Variants in ZNF135 observed in about 807,000 individuals in gnomAD.
The protein encoded by ZNF135 is zinc finger protein 135.
In ZNF135, 11 loss-of-function variants were observed where a neutral mutation model predicts 12.3. The observed-to-expected ratio is 0.89, with a 90% CI of 0.56 to 1.48. The LOEUF is 1.48. ZNF135 is among the 40% of genes most tolerant of loss of function. ZNF135 has a pLI of 0.00. For synonymous variants in ZNF135, 316 were observed against 312.0 expected, an observed-to-expected ratio of 1.01 and a Z score of -0.14; for missense variants, 722 against 815.7, an observed-to-expected ratio of 0.89 and a Z score of 1.40.
In ZNF135 at chr19:58,060,187, C is replaced by G; in HGVS notation, c.33+152C>G. 1 of 1,509,376 alleles carries G rather than the reference C, an allele frequency of 6.6e-7. No homozygotes were observed. The highest frequency in any genetic ancestry group is 8.8e-7 in the Non-Finnish European group (1 of 1,132,466). The allele number at this position is 1,509,376 out of a possible 1,614,324, so 93.5% of individuals were successfully genotyped here. A position where few individuals can be genotyped will look rare whatever the true frequency, so the allele number is the denominator to read the frequency against. Reference sequence around the variant, plus strand: ...CGGCCCCTACTTGCGTGCCCGGCCCCTACTCGTGCCCGGCCTCTACTCGCA... The same window carrying G: ...CGGCCCCTACTTGCGTGCCCGGCCCGTACTCGTGCCCGGCCTCTACTCGCA... On this transcript the variant is annotated intron_variant, in intron 2 of 4. Transcript: ENST00000313434. This position sits in a 1 kb window ranked among gnomAD's most constrained non-coding sequence, Gnocchi z 4.9.
chr19:58,063,690 C>T lies in ZNF135; in HGVS notation c.256+149C>T, dbSNP rs1203840954. 101 of 1,429,802 alleles carry T rather than the reference C, an allele frequency of 7.1e-5. No homozygotes were observed. The highest frequency in any genetic ancestry group is 4.4e-4 in the Middle Eastern group (2 of 4,594). The allele number at this position is 1,429,802 out of a possible 1,614,324, so 88.6% of individuals were successfully genotyped here. ...CAAGCACCCATTTTGCTGTGAGTGA[C>T]GACACCACGTCCTCATCTCCACTGA... On this transcript the variant is annotated intron_variant, in intron 4 of 4. Transcript: ENST00000313434. This position sits in a 1 kb window ranked among gnomAD's most constrained non-coding sequence, Gnocchi z 4.4.
chr19:58,063,485 A>G lies in ZNF135; in HGVS notation c.200A>G (p.Glu67Gly). 6.2e-7 allele frequency: 1 copy of G among 1,614,140 alleles called. No homozygotes were observed. The highest frequency in any genetic ancestry group is 8.5e-7 in the Non-Finnish European group (1 of 1,180,010). ...AAGCCGAATGTCATCTCCCTGCTGG[A>G]GCAAGAGGCAGAGCTGTGGGCGGTG... Reference protein sequence around the residue: ...LPKPNVISLLEQEAELWAVES... With the variant: ...LPKPNVISLLGQEAELWAVES... Residue 67 changes from glutamate (E) to glycine (G), a missense_variant, in exon 4 of 5, where the codon GAG (glutamate) becomes GGG (glycine). Physicochemically the swap from Glu to Gly is moderately conservative, Grantham distance 98 (BLOSUM62 -2). Transcript: ENST00000313434. The surrounding 1 kb of genome is among the most constrained non-coding windows in gnomAD (Gnocchi z 4.4).
Position 58,067,841 on chromosome 19 carries a change from C to A in ZNF135, c.1357C>A (p.Leu453Ile). The A allele has an allele frequency of 6.2e-7, 1 of 1,612,580 alleles. No homozygotes were observed. The highest frequency in any genetic ancestry group is 8.5e-7 in the Non-Finnish European group (1 of 1,179,568). ...CGKTFSHSSS[L>I]SQHERTHTGE... ...GAAAACCTTCAGCCACAGCTCCTCA[C>A]TCAGCCAGCATGAGCGGACACACAC... The change falls in exon 5 of 5, where the codon CTC becomes ATC. Residue 453 changes from leucine (L) to isoleucine (I), a missense_variant. By Grantham distance (5) the Leu-to-Ile change is conservative. Coordinates refer to ENST00000313434, the MANE Select transcript of ZNF135 (RefSeq NM_001289401.2).
rs763653783 is a variant in ZNF135 at position 58,059,323 on chromosome 19, G to C, written c.-35+13G>C. The C allele has an allele frequency of 3.9e-6, 6 of 1,547,430 alleles. 1 individual carries two copies. In the South Asian group the frequency reaches 7.0e-5, roughly 18 times the overall value. On this transcript the variant is annotated intron_variant, in intron 1 of 4. Coordinates refer to ENST00000313434, the MANE Select transcript of ZNF135 (RefSeq NM_001289401.2). This position sits in a 1 kb window ranked among gnomAD's most constrained non-coding sequence, Gnocchi z 6.5. The stretch of plus-strand genomic sequence containing the variant: ...CGCAGTCAGGAGGGTGAGCTAGGCC[G>C]GCGAGGAGGGGGAGGGGAGGCCAGG...
chr19:58,061,815 G>A, intron 3 of ZNF135, 109 bp downstream of exon 3: 1 of 1,386,612 alleles, frequency 7.2e-7, no homozygotes, highest in Admixed American at 2.7e-5. Context: ...GCCTGGGGCT[G>A]TATGTCTTGG....
At position 58,059,732 on chromosome 19, in the gene ZNF135, G is replaced by A; in HGVS notation, c.-34-237G>A. ...TGTAGCGTTAAGGCTCAGAGTCTGCGCAGCAGATATGTGTCCGCACCCGCC... is the reference window on the plus strand; with the variant it reads ...TGTAGCGTTAAGGCTCAGAGTCTGCACAGCAGATATGTGTCCGCACCCGCC... On this transcript the variant is annotated intron_variant, in intron 1 of 4. Coordinates refer to ENST00000313434, the MANE Select transcript of ZNF135 (RefSeq NM_001289401.2). This position sits in a 1 kb window ranked among gnomAD's most constrained non-coding sequence, Gnocchi z 6.5. The A allele has an allele frequency of 1.7e-6, 1 of 581,136 alleles. No individual in the cohort carries two copies. Among genetic ancestry groups the A allele is most frequent in the Non-Finnish European group, 3.0e-6 (1 of 331,668 alleles). The allele number at this position is 581,136 out of a possible 1,614,324, so 36.0% of individuals were successfully genotyped here.
rs564490448 is a variant in ZNF135, at chr19:58,063,899, G to C, written c.256+358G>C. On this transcript the variant is annotated intron_variant, in intron 4 of 4. Coordinates refer to ENST00000313434, the MANE Select transcript of ZNF135 (RefSeq NM_001289401.2). The surrounding 1 kb of genome is among the most constrained non-coding windows in gnomAD (Gnocchi z 4.4). The stretch of plus-strand genomic sequence containing the variant: ...AGATGAGGGATAGCCTCTCCAAGGA[G>C]GTGACATGTGACTTGAAGCCTGAGC... Among the ~76,000 whole-genome samples, 27 of 152,176 alleles carry C rather than the reference G, an allele frequency of 1.8e-4. No individual in the cohort carries two copies. Among genetic ancestry groups the C allele is most frequent in the Non-Finnish European group, 3.1e-4 (21 of 68,034 alleles).
At position 58,059,571 on chromosome 19, in the gene ZNF135, G is replaced by T. The variant is rs2123462074; in HGVS notation, c.-35+261G>T. Among the ~76,000 whole-genome samples, 1 of 152,236 alleles carries T rather than the reference G, an allele frequency of 6.6e-6. No homozygotes were observed. Among genetic ancestry groups the T allele is most frequent in the Admixed American group, 6.5e-5 (1 of 15,308 alleles). ...GACAGGAGCTGCTCCGACGGCCCCTGAGGGAACGCGCGCCCCGCCCCTGGC... is the reference window on the plus strand; with the variant it reads ...GACAGGAGCTGCTCCGACGGCCCCTTAGGGAACGCGCGCCCCGCCCCTGGC... On this transcript the variant is annotated intron_variant, in intron 1 of 4. Transcript: ENST00000313434. This position sits in a 1 kb window ranked among gnomAD's most constrained non-coding sequence, Gnocchi z 6.5.
In ZNF135 at chr19:58,063,644, T is replaced by C; in HGVS notation, c.256+103T>C. The C allele has an allele frequency of 1.3e-6, 2 of 1,527,268 alleles. No individual in the cohort carries two copies. Among genetic ancestry groups the C allele is most frequent in the South Asian group, 2.5e-5 (2 of 80,816 alleles). 94.6% of individuals were successfully genotyped at this position (1,527,268 alleles called of 1,614,324 possible). A position where few individuals can be genotyped will look rare whatever the true frequency, so the allele number is the denominator to read the frequency against. ...TAATTCTTCAGAGCAAATTTACTAC[T>C]CAGTCTTAGTGAAGATTTACCAAGC... On this transcript the variant is annotated intron_variant, in intron 4 of 4. Transcript: ENST00000313434. This position sits in a 1 kb window ranked among gnomAD's most constrained non-coding sequence, Gnocchi z 4.4.
Position 58,060,461 on chromosome 19 carries a change from T to A in ZNF135, c.33+426T>A, listed in dbSNP as rs1175908358. On this transcript the variant is annotated intron_variant, in intron 2 of 4. Transcript: ENST00000313434. This position sits in a 1 kb window ranked among gnomAD's most constrained non-coding sequence, Gnocchi z 4.9. ...GTTTGTGCGGCCGTCATTGCATACC[T>A]GAGGCTGGGTGATGTCAGAAAATTG... The A allele has an allele frequency of 2.8e-6, 3 of 1,066,702 alleles. No individual in the cohort carries two copies. In the East Asian group the frequency reaches 2.7e-4, roughly 95 times the overall value. 66.1% of individuals were successfully genotyped at this position (1,066,702 alleles called of 1,614,324 possible). A position where few individuals can be genotyped will look rare whatever the true frequency, so the allele number is the denominator to read the frequency against.
Position 58,065,106 on chromosome 19 carries a change from A to G in ZNF135, c.256+1565A>G, listed in dbSNP as rs775205895. On this transcript the variant is annotated intron_variant, in intron 4 of 4. Coordinates refer to ENST00000313434, the MANE Select transcript of ZNF135 (RefSeq NM_001289401.2). The surrounding 1 kb of genome is among the most constrained non-coding windows in gnomAD (Gnocchi z 4.0). ...AAGTTCGGGAGATCAGAAATCCACA[A>G]TGGGTCTAGCTGGAATATAATAAAG... Among the ~76,000 whole-genome samples the G allele has an allele frequency of 9.2e-5, 14 of 152,206 alleles. No homozygotes were observed. The highest frequency in any genetic ancestry group is 1.5e-4 in the Non-Finnish European group (10 of 68,030).
chr19:58,061,876 A>G (rs1290575148), intron 3 of ZNF135, among the ~76,000 whole-genome samples, 170 bp downstream of exon 3: 1 of 152,218 alleles, frequency 6.6e-6, no homozygotes, highest in African/African-American at 2.4e-5. Context: ...TAAGACCAAT[A>G]TTAGCAAGTC....
At chr19:58,066,321 C>G (rs146618657) in intron 4 of ZNF135, among the ~76,000 whole-genome samples, 1 of 152,154 alleles carries the variant, frequency 6.6e-6, no homozygotes, top group Admixed American at 6.5e-5. Context: ...TCTGTTGCCA[C>G]CTGGCATTGT....
In ZNF135 at chr19:58,067,722, G is replaced by A. The variant is rs2074099670; in HGVS notation, c.1238G>A (p.Gly413Asp). ...THTGEKPYEC[G>D]ECGKAFSQST... Reference sequence around the variant, plus strand: ...ACAGGAGAAAAGCCCTATGAGTGTGGTGAGTGTGGGAAAGCCTTCAGTCAG... The same window carrying A: ...ACAGGAGAAAAGCCCTATGAGTGTGATGAGTGTGGGAAAGCCTTCAGTCAG... Residue 413 changes from glycine (G) to aspartate (D), a missense_variant, in exon 5 of 5, where the codon GGT becomes GAT. Transcript: ENST00000313434. 1.2e-6 allele frequency: 2 copies of A among 1,613,750 alleles called. No homozygotes were observed. Among genetic ancestry groups the A allele is most frequent in the Non-Finnish European group, 8.5e-7 (1 of 1,179,922 alleles).
Position 58,059,284 on chromosome 19 carries a change from C to G in ZNF135, c.-61C>G, listed in dbSNP as rs2073920126. ...CCGGCGCAGTGTCGGCTGCCGGTGCCGCGGCCTTTGTCTCGCAGTCAGGAG... is the reference window on the plus strand; with the variant it reads ...CCGGCGCAGTGTCGGCTGCCGGTGCGGCGGCCTTTGTCTCGCAGTCAGGAG... On this transcript the variant is annotated 5_prime_UTR_variant, in exon 1 of 5. Transcript: ENST00000313434. The surrounding 1 kb of genome is among the most constrained non-coding windows in gnomAD (Gnocchi z 6.5). 1 of 1,575,852 alleles carries G rather than the reference C, an allele frequency of 6.3e-7. No individual in the cohort carries two copies. The highest frequency in any genetic ancestry group is 8.5e-7 in the Non-Finnish European group (1 of 1,170,018).
At position 58,063,705 on chromosome 19, in the gene ZNF135, A is replaced by T; in HGVS notation, c.256+164A>T. 1 of 1,408,236 alleles carries T rather than the reference A, an allele frequency of 7.1e-7. No homozygotes were observed. Among genetic ancestry groups the T allele is most frequent in the Non-Finnish European group, 9.3e-7 (1 of 1,080,044 alleles). 87.2% of individuals were successfully genotyped at this position (1,408,236 alleles called of 1,614,324 possible). A position where few individuals can be genotyped will look rare whatever the true frequency, so the allele number is the denominator to read the frequency against. ...CTGTGAGTGACGACACCACGTCCTC[A>T]TCTCCACTGAATTTATATTCTTGGT... On this transcript the variant is annotated intron_variant, in intron 4 of 4. Coordinates refer to ENST00000313434, the MANE Select transcript of ZNF135 (RefSeq NM_001289401.2). The surrounding 1 kb of genome is among the most constrained non-coding windows in gnomAD (Gnocchi z 4.4).
chr19:58,061,661 T>C lies in ZNF135; in HGVS notation c.115T>C (p.Tyr39His), dbSNP rs1178700224. ...GQLKPAQRTL[Y>H]RDVMLDTFRL... ...GCTGAAGCCTGCCCAGAGGACCCTG[T>C]ACCGTGATGTAATGCTGGACACCTT... The change falls in exon 3 of 5, where the codon TAC becomes CAC. Residue 39 changes from tyrosine to histidine, a missense_variant. Transcript: ENST00000313434. 6.2e-7 allele frequency: 1 copy of C among 1,613,440 alleles called. No homozygotes were observed. The highest frequency in any genetic ancestry group is 8.5e-7 in the Non-Finnish European group (1 of 1,179,798).
rs1382710399 is a variant in ZNF135 at position 58,067,883 on chromosome 19, G to C, written c.1399G>C (p.Glu467Gln). ...ERTHTGEKPY[E>Q]CSQCGKAFRQ... ...GACACACACAGGAGAGAAGCCCTATGAGTGCAGTCAGTGTGGGAAGGCCTT... is the reference window on the plus strand; with the variant it reads ...GACACACACAGGAGAGAAGCCCTATCAGTGCAGTCAGTGTGGGAAGGCCTT... The change falls in exon 5 of 5, where the codon GAG becomes CAG. Residue 467 changes from glutamate to glutamine, a missense_variant. Glu to Gln is a conservative substitution (Grantham distance 29). Coordinates refer to ENST00000313434, the MANE Select transcript of ZNF135 (RefSeq NM_001289401.2). 6.2e-7 allele frequency: 1 copy of C among 1,611,504 alleles called. No individual in the cohort carries two copies. Among genetic ancestry groups the C allele is most frequent in the Non-Finnish European group, 8.5e-7 (1 of 1,179,434 alleles).
chr19:58,061,627 G>A lies in ZNF135; in HGVS notation c.81G>A (p.Glu27=). 6.2e-7 allele frequency: 1 copy of A among 1,613,762 alleles called. No homozygotes were observed. Among genetic ancestry groups the A allele is most frequent in the Middle Eastern group, 1.7e-4 (1 of 6,058 alleles). The change falls in exon 3 of 5, where the codon GAG becomes GAA. Residue 27 remains glutamate, a synonymous_variant. Transcript: ENST00000313434. ...EDVVVGFSQE[E]WGQLKPAQRT... is the part of the protein sequence containing the mutation. Reference sequence around the variant, plus strand: ...TGGTAGTGGGCTTCAGCCAGGAGGAGTGGGGGCAGCTGAAGCCTGCCCAGA... The same window carrying A: ...TGGTAGTGGGCTTCAGCCAGGAGGAATGGGGGCAGCTGAAGCCTGCCCAGA...
Sources: allele counts gnomAD v4.1 joint callset (sites outside exome capture counted in the v4.1 genomes callset), GRCh38; gene constraint gnomAD v4.1.1; non-coding constraint Gnocchi (gnomAD v3.1); transcripts MANE v1.5; gene names NCBI Gene and HGNC (gene_info 2026-07-23, HGNC 2026-07-21).